Variants in TRPM1 observed in about 807,000 individuals in gnomAD.
TRPM1 encodes the protein transient receptor potential cation channel subfamily M member 1, also known as TRPM1-203 APA Isoform, Intron 10.
In TRPM1, 113 loss-of-function variants were observed where a neutral mutation model predicts 149.4. That is an observed-to-expected ratio of 0.76 (90% CI 0.65 to 0.88). The LOEUF is 0.88. Ranked by LOEUF, TRPM1 falls within the 40% of genes least tolerant of loss-of-function variation. The pLI is 0.00. For synonymous variants in TRPM1, 741 were observed against 759.5 expected (o/e 0.98, Z 0.40); for missense variants, 1,976 against 2,038.7 (o/e 0.97, Z 0.59).
At chr15:31,018,465 C>T (rs1276937109) in intron 27 of TRPM1, among the ~76,000 whole-genome samples, 1 of 146,746 alleles carries the variant, frequency 6.8e-6, no homozygotes, top group Non-Finnish European at 1.5e-5. Flanking sequence ...CCTATGCCTC[C>T]TGGGTTCAAA....
chr15:31,113,659 G>A (rs1290977304), intron 1 of TRPM1, among the ~76,000 whole-genome samples: 1 of 151,820 alleles, frequency 6.6e-6, no homozygotes, highest in South Asian at 2.1e-4. Context: ...CTAGTTTTTT[G>A]CCCTCCATCA....
intron 1 of TRPM1, among the ~76,000 whole-genome samples, chr15:31,154,031 TA>T (rs2036336608): frequency 1.3e-5 from 2 of 152,224 alleles, no homozygotes; most frequent in Admixed American, 1.3e-4. Flanking sequence ...AACTGTTGGC[TA>T]CTGGCCATAC....
chr15:31,102,107 C>CGGCACAT (rs1445968439), upstream of TRPM1, among the ~76,000 whole-genome samples: 1 of 152,230 alleles, frequency 6.6e-6, no homozygotes, highest in African/African-American at 2.4e-5. Flanking sequence ...TGGGAGAAGG[C>CGGCACAT]GGCACATGGC....
chr15:31,088,780 A>T, intron 1 of TRPM1, among the ~76,000 whole-genome samples: 1 of 141,292 alleles, frequency 7.1e-6, no homozygotes, highest in African/African-American at 2.7e-5. Context: ...CATGGTATCA[A>T]ACACCTGAAC....
At chr15:31,137,072 T>G (rs2036099284) in intron 1 of TRPM1, among the ~76,000 whole-genome samples, 2 of 152,164 alleles carry the variant, frequency 1.3e-5, no homozygotes, top group Non-Finnish European at 2.9e-5. Context: ...CTCTCTGATA[T>G]TTTTGGCATT....
chr15:31,132,622 T>C (rs2036031915), intron 1 of TRPM1, among the ~76,000 whole-genome samples: 1 of 152,180 alleles, frequency 6.6e-6, no homozygotes. Context: ...GGTGAAGACC[T>C]CTGGCATCTT....
intron 1 of TRPM1, among the ~76,000 whole-genome samples, chr15:31,123,792 C>T (rs770146276): frequency 2.6e-5 from 4 of 152,192 alleles, no homozygotes; most frequent in Non-Finnish European, 5.9e-5. Flanking sequence ...TCTTATAAAA[C>T]TAAACATAGT....
chr15:31,110,374 T>G lies in TRPM1; in HGVS notation c.55-33390A>C, dbSNP rs75476428. Reference sequence around the variant, plus strand: ...TGGATAACTAGATTAGGCAAAGACATAGAGGTCTATCAATACTTTTGATTA... The same window carrying G: ...TGGATAACTAGATTAGGCAAAGACAGAGAGGTCTATCAATACTTTTGATTA... On this transcript the variant is annotated intron_variant, in intron 1 of 26. Coordinates refer to the TRPM1 transcript ENST00000542188. Among the ~76,000 whole-genome samples, 658 of 152,286 alleles carry G rather than the reference T, an allele frequency of 4.3e-3. 4 individuals are homozygous for G. Among genetic ancestry groups the G allele is most frequent in the African/African-American group, 0.015 (623 of 41,560 alleles).
At chr15:31,077,803 G>T (rs559122814) in intron 2 of TRPM1, among the ~76,000 whole-genome samples, 1 of 152,018 alleles carries the variant, frequency 6.6e-6, no homozygotes, top group Admixed American at 6.5e-5. Flanking sequence ...AGAGTGTGTC[G>T]TGATGCATGT....
At chr15:31,015,932 G>A (rs183656412) in intron 27 of TRPM1, among the ~76,000 whole-genome samples, 6 of 152,102 alleles carry the variant, frequency 3.9e-5, no homozygotes, top group East Asian at 3.9e-4. Context: ...CAAACATGCC[G>A]TCATCATCAA....
upstream of TRPM1, among the ~76,000 whole-genome samples, chr15:31,106,395 C>T (rs1358376914): frequency 1.3e-5 from 2 of 152,142 alleles, no homozygotes; most frequent in African/African-American, 2.4e-5. Flanking sequence ...CTCGGCTGCC[C>T]AAGGTGCTGG....
At chr15:31,101,926 G>C (rs74010771), upstream of TRPM1, among the ~76,000 whole-genome samples, 512 of 152,382 alleles carry the variant, frequency 3.4e-3, 2 homozygotes, top group African/African-American at 0.012. Context: ...TGTGAGAGAG[G>C]TAGGGGAGCT....
At chr15:31,160,598 G>A (rs917829849) in intron 1 of TRPM1, among the ~76,000 whole-genome samples, 5 of 152,222 alleles carry the variant, frequency 3.3e-5, no homozygotes, top group Admixed American at 1.3e-4. Context: ...GCAAAACTCC[G>A]CAACTGCTGA....
At chr15:31,140,256 G>A (rs1236930577) in intron 1 of TRPM1, among the ~76,000 whole-genome samples, 1 of 151,768 alleles carries the variant, frequency 6.6e-6, no homozygotes, top group African/African-American at 2.4e-5. Flanking sequence ...GCAGGAGCCT[G>A]TAGACCCAGC....
chr15:31,027,360 A>T (rs1400740438), intron 25 of TRPM1, among the ~76,000 whole-genome samples: 1 of 152,210 alleles, frequency 6.6e-6, no homozygotes, highest in Non-Finnish European at 1.5e-5. Context: ...GCTTTCTTGA[A>T]AAACCACACC....
chr15:31,122,222 C>T (rs1464540946), intron 1 of TRPM1, among the ~76,000 whole-genome samples: 2 of 152,194 alleles, frequency 1.3e-5, no homozygotes, highest in East Asian at 3.8e-4. Flanking sequence ...CTACAGCTAA[C>T]ACCATACTTA....
chr15:31,006,472 C>T (rs1162146802), intron 27 of TRPM1, among the ~76,000 whole-genome samples: 3 of 152,212 alleles, frequency 2.0e-5, no homozygotes, highest in Admixed American at 1.3e-4. Flanking sequence ...GCCACCAAGC[C>T]TGGCAAAGAT....
chr15:31,133,709 G>C (rs538993652), intron 1 of TRPM1, among the ~76,000 whole-genome samples: 1 of 152,102 alleles, frequency 6.6e-6, no homozygotes, highest in Non-Finnish European at 1.5e-5. Context: ...AATTGGGAGG[G>C]GGTGGGAAAC....
At chr15:31,124,492 A>G (rs116070541) in intron 1 of TRPM1, among the ~76,000 whole-genome samples, 4,901 of 150,150 alleles carry the variant, frequency 0.033, 249 homozygotes, top group African/African-American at 0.11. Flanking sequence ...TCTCTCTACT[A>G]AAAATTCAAA....
Sources: allele counts gnomAD v4.1 joint callset (sites outside exome capture counted in the v4.1 genomes callset), GRCh38; gene constraint gnomAD v4.1.1; transcripts MANE v1.5; gene names NCBI Gene and HGNC (gene_info 2026-07-23, HGNC 2026-07-21).